The following CSMD1 variants were observed in gnomAD, a reference collection of about 807,000 sequenced individuals.
CSMD1 encodes CUB and sushi domain-containing protein 1.
A neutral mutation model predicts 417.5 loss-of-function variants in CSMD1; 213 were observed. That is an observed-to-expected ratio of 0.51 (90% CI 0.46 to 0.57). The LOEUF (loss-of-function observed/expected upper bound fraction) is 0.57, where lower values mean the gene tolerates loss of function less well. Among genes scored for constraint, CSMD1 ranks in the 20% least tolerant of loss-of-function variants. The probability of loss-of-function intolerance (pLI) is 0.00; values close to 1 mark genes in which losing one functional copy is unlikely to be tolerated. For missense variants in CSMD1, 6,923 were observed against 4,529.7 expected, an observed-to-expected ratio of 1.53 and a Z score of -15.17; for synonymous variants, 2,862 against 1,736.8, an observed-to-expected ratio of 1.65 and a Z score of -16.11.
chr8:4,787,398 GA>G, intron 1 of CSMD1: 1 of 739,966 alleles, frequency 1.4e-6, no homozygotes, highest in South Asian at 1.5e-5. Flanking sequence ...AGAAGTCTAC[GA>G]AAAGTCCTCC....
At chr8:4,322,792 C>T (rs1018864643) in intron 3 of CSMD1, among the ~76,000 whole-genome samples, 3 of 152,140 alleles carry the variant, frequency 2.0e-5, no homozygotes, top group Admixed American at 2.0e-4. Flanking sequence ...TTCAGGAGTA[C>T]AAGACCAGCC....
intron 51 of CSMD1, among the ~76,000 whole-genome samples, chr8:3,020,674 A>G (rs952514759): frequency 1.3e-5 from 2 of 152,032 alleles, no homozygotes; most frequent in African/African-American, 2.4e-5. Context: ...TCTTTACTCC[A>G]TGTTATGATA....
At chr8:3,711,105 T>C (rs1531744) in intron 6 of CSMD1, among the ~76,000 whole-genome samples, 2,077 of 152,330 alleles carry the variant, frequency 0.014, 45 homozygotes, top group African/African-American at 0.047. Flanking sequence ...ATAGCAATAT[T>C]TTCCCCAAAA....
At chr8:3,623,686 G>A (rs931794507) in intron 7 of CSMD1, among the ~76,000 whole-genome samples, 1 of 152,216 alleles carries the variant, frequency 6.6e-6, no homozygotes, top group East Asian at 1.9e-4. Context: ...AGAATGAGCT[G>A]ACTCCAGGGC....
intron 1 of CSMD1, among the ~76,000 whole-genome samples, chr8:4,753,457 A>C (rs1168359105): frequency 6.8e-6 from 1 of 146,196 alleles, no homozygotes; most frequent in Non-Finnish European, 1.5e-5. Context: ...ATGCGCACAC[A>C]CTCCTTTGTG....
intron 10 of CSMD1, among the ~76,000 whole-genome samples, chr8:3,518,391 GATGCC>G (rs1797369289): frequency 1.3e-5 from 2 of 152,252 alleles, no homozygotes; most frequent in Middle Eastern, 3.4e-3. Flanking sequence ...AAATATTCCA[GATGCC>G]ATTGTATTTA....
At chr8:3,019,060 G>C (rs558090002) in intron 51 of CSMD1, among the ~76,000 whole-genome samples, 1 of 152,136 alleles carries the variant, frequency 6.6e-6, no homozygotes, top group African/African-American at 2.4e-5. Context: ...TGCGATTAAA[G>C]GCGCCTGCCA....
At chr8:2,998,385 T>C (rs1306141412) in intron 53 of CSMD1, among the ~76,000 whole-genome samples, 1 of 152,222 alleles carries the variant, frequency 6.6e-6, no homozygotes, top group South Asian at 2.1e-4. Flanking sequence ...AGGCTTTTAA[T>C]ATAATTGTGG....
At chr8:3,124,831 T>C (rs1376551134) in intron 41 of CSMD1, among the ~76,000 whole-genome samples, 1 of 152,182 alleles carries the variant, frequency 6.6e-6, no homozygotes, top group African/African-American at 2.4e-5. Flanking sequence ...ATGATGACAA[T>C]GATGATTCAA....
At chr8:3,164,494 T>C (rs932497954) in intron 37 of CSMD1, among the ~76,000 whole-genome samples, 1 of 152,232 alleles carries the variant, frequency 6.6e-6, no homozygotes, top group Non-Finnish European at 1.5e-5. Flanking sequence ...AAGTCTAAAA[T>C]CTTTTGTTTT....
chr8:4,375,821 T>G (rs1802698582), intron 3 of CSMD1, among the ~76,000 whole-genome samples: 1 of 152,170 alleles, frequency 6.6e-6, no homozygotes, highest in African/African-American at 2.4e-5. Flanking sequence ...GAGTTCAATG[T>G]TTTTAAGCCA....
chr8:3,375,354 C>T (rs1810237647), intron 18 of CSMD1: 1 of 152,170 alleles, frequency 6.6e-6, no homozygotes, highest in Non-Finnish European at 1.5e-5. Flanking sequence ...AGAGATCCAC[C>T]TGTGAAAGCA....
intron 67 of CSMD1, 97 bp downstream of exon 67, chr8:2,950,134 G>A (rs980832061): frequency 3.8e-6 from 3 of 779,830 alleles, no homozygotes; most frequent in South Asian, 1.6e-5. Flanking sequence ...ACACAAGACA[G>A]CTCTACTCAG....
At chr8:4,463,351 C>T (rs1387316391) in intron 2 of CSMD1, among the ~76,000 whole-genome samples, 2 of 152,110 alleles carry the variant, frequency 1.3e-5, no homozygotes, top group Non-Finnish European at 2.9e-5. Flanking sequence ...TAGAATGGTG[C>T]GTCTATTTTG....
chr8:4,703,595 G>A (rs1807726430), intron 1 of CSMD1, among the ~76,000 whole-genome samples: 2 of 152,152 alleles, frequency 1.3e-5, no homozygotes, highest in Admixed American at 1.3e-4. Flanking sequence ...ACACTTTGGT[G>A]TTAAGGAAAT....
At chr8:4,462,445 A>C (rs1172437649) in intron 2 of CSMD1, among the ~76,000 whole-genome samples, 1 of 152,118 alleles carries the variant, frequency 6.6e-6, no homozygotes, top group Non-Finnish European at 1.5e-5. Flanking sequence ...ATTTAACATA[A>C]TTCCTATTAA....
intron 5 of CSMD1, among the ~76,000 whole-genome samples, chr8:3,804,280 C>G (rs1027937696): frequency 6.6e-6 from 1 of 152,032 alleles, no homozygotes; most frequent in Non-Finnish European, 1.5e-5. Flanking sequence ...CTTGCAGGTG[C>G]AGAATACTAA....
chr8:4,988,558 G>T (rs1313912669), intron 1 of CSMD1, among the ~76,000 whole-genome samples: 1 of 152,218 alleles, frequency 6.6e-6, no homozygotes, highest in African/African-American at 2.4e-5. Flanking sequence ...AAGTTAATTT[G>T]TTGAAATGTT....
At chr8:4,234,133 G>T (rs1290537432) in intron 3 of CSMD1, among the ~76,000 whole-genome samples, 7 of 152,150 alleles carry the variant, frequency 4.6e-5, no homozygotes, top group Non-Finnish European at 1.0e-4. Context: ...TGAAATGGAA[G>T]ATTATTCTTC....
Sources: allele counts gnomAD v4.1 joint callset (sites outside exome capture counted in the v4.1 genomes callset), GRCh38; gene constraint gnomAD v4.1.1; transcripts MANE v1.5; gene names NCBI Gene and HGNC (gene_info 2026-07-23, HGNC 2026-07-21).